The following CELF2 variants were observed in gnomAD, a reference collection of about 807,000 sequenced individuals.
CELF2 encodes the protein CUG triplet repeat RNA-binding protein 2.
Under a neutral mutation model 62.6 loss-of-function variants are expected in CELF2, and 8 were observed. The ratio of observed to expected loss-of-function variants is 0.13; its 90% confidence interval spans 0.07 to 0.23. CELF2 has a LOEUF of 0.23. CELF2 is among the 10% of genes least tolerant of loss of function. The probability of loss-of-function intolerance (pLI) is 1.00; values close to 1 mark genes in which losing one functional copy is unlikely to be tolerated. For missense variants in CELF2, 333 were observed against 671.0 expected (o/e 0.50, Z 5.56); for synonymous variants, 258 against 250.0 (o/e 1.03, Z -0.30).
chr10:11,253,818 G>A (rs1051584589), intron 4 of CELF2, among the ~76,000 whole-genome samples: 2 of 152,174 alleles, frequency 1.3e-5, no homozygotes, highest in Non-Finnish European at 2.9e-5. Flanking sequence ...AATCACGGGG[G>A]ACCCCATCTG....
chr10:10,806,072 G>A (rs1334372124), intron 1 of CELF2, among the ~76,000 whole-genome samples: 1 of 152,210 alleles, frequency 6.6e-6, no homozygotes, highest in Non-Finnish European at 1.5e-5. Flanking sequence ...GGTGAAGTGA[G>A]AAGGGCAATG....
At chr10:10,795,239 C>A (rs1421622383), upstream of CELF2, among the ~76,000 whole-genome samples, 2 of 134,734 alleles carry the variant, frequency 1.5e-5, no homozygotes, top group African/African-American at 2.7e-5. Context: ...ATGGATTCAA[C>A]TTTTTTTTTT....
rs1307538055 is a variant in CELF2, at chr10:11,264,445, A to C, written c.539-2153A>C. 2.0e-5 allele frequency among the ~76,000 whole-genome samples: 3 copies of C among 152,272 alleles called. No individual in the cohort carries two copies. The East Asian group carries it at 5.8e-4, about 29-fold the overall frequency. On this transcript the variant is annotated intron_variant, in intron 5 of 12. Transcript: ENST00000633077. The stretch of plus-strand genomic sequence containing the variant: ...TAAGAGCAAATGAAGTGAATACAGC[A>C]ATCTTCTTGACTATTAAAAACAGAA...
chr10:10,636,548 G>A, the CELF2 span, among the ~76,000 whole-genome samples: 1 of 152,108 alleles, frequency 6.6e-6, no homozygotes, highest in African/African-American at 2.4e-5. Flanking sequence ...GCAATGAAAT[G>A]GGGAAAATAC....
chr10:11,142,325 G>T (rs1183470862), intron 1 of CELF2, among the ~76,000 whole-genome samples: 1 of 152,174 alleles, frequency 6.6e-6, no homozygotes, highest in African/African-American at 2.4e-5. Context: ...GGGAAAATAG[G>T]GTAAGAACTG....
At chr10:10,626,253 C>G in the CELF2 span, among the ~76,000 whole-genome samples, 1 of 99,996 alleles carries the variant, frequency 1.0e-5, no homozygotes, top group African/African-American at 3.8e-5. Flanking sequence ...TTCCAAACAG[C>G]TGGGGATCTA....
chr10:11,304,684 A>G (rs2094060977), intron 9 of CELF2, among the ~76,000 whole-genome samples: 1 of 152,218 alleles, frequency 6.6e-6, no homozygotes, highest in Non-Finnish European at 1.5e-5. Flanking sequence ...GAACGGATTA[A>G]TCCATTAATG....
the CELF2 span, among the ~76,000 whole-genome samples, chr10:10,757,851 A>C: frequency 1.3e-5 from 2 of 152,226 alleles, no homozygotes; most frequent in Admixed American, 6.5e-5. Flanking sequence ...AAGATGGTTA[A>C]ATTTTATATA....
chr10:10,831,322 A>G (rs767223951), intron 1 of CELF2, among the ~76,000 whole-genome samples: 14 of 152,210 alleles, frequency 9.2e-5, no homozygotes, highest in Non-Finnish European at 1.6e-4. Context: ...CGTGACTCAC[A>G]CTGAGGGCAG....
intron 2 of CELF2, among the ~76,000 whole-genome samples, chr10:10,964,121 A>G (rs1217549557): frequency 2.6e-5 from 4 of 152,208 alleles, no homozygotes; most frequent in Admixed American, 2.6e-4. Context: ...CACTATTAAG[A>G]TAACACTATT....
At chr10:10,739,799 G>T in the CELF2 span, among the ~76,000 whole-genome samples, 1 of 152,134 alleles carries the variant, frequency 6.6e-6, no homozygotes, top group African/African-American at 2.4e-5. Flanking sequence ...CAGTTGTGAG[G>T]TGGTATCTCA....
intron 2 of CELF2, among the ~76,000 whole-genome samples, chr10:11,198,700 G>A (rs1419490482): frequency 2.0e-5 from 3 of 152,230 alleles, no homozygotes; most frequent in African/African-American, 7.2e-5. Flanking sequence ...AGACCCAGAA[G>A]GGCATGGTCA....
At chr10:10,761,905 CGTGTGTGTGTGTGTGTGTGTGTGT>C in the CELF2 span, among the ~76,000 whole-genome samples, 5 of 128,880 alleles carry the variant, frequency 3.9e-5, no homozygotes, top group South Asian at 2.9e-4. Context: ...TATAATAAAC[CGTGTGTGTGTGTGTGTGTGTGTGT>C]GTGTGTGTGT....
Position 11,280,610 on chromosome 10 carries a change from G to A in CELF2, c.841+5490G>A, listed in dbSNP as rs1345619594. Reference sequence around the variant, plus strand: ...ACAGTCCCCACGCTCTTCTCGCCCCGGGTTATTACTGTGGTGTGACAGAGC... The same window carrying A: ...ACAGTCCCCACGCTCTTCTCGCCCCAGGTTATTACTGTGGTGTGACAGAGC... On this transcript the variant is annotated intron_variant, in intron 8 of 12. Transcript: ENST00000633077. This position sits in a 1 kb window ranked among gnomAD's most constrained non-coding sequence, Gnocchi z 7.6. 6.6e-6 allele frequency among the ~76,000 whole-genome samples: 1 copy of A among 152,208 alleles called. No individual in the cohort carries two copies. The highest frequency in any genetic ancestry group is 1.5e-5 in the Non-Finnish European group (1 of 68,028).
Position 10,931,575 on chromosome 10 carries a change from C to T in CELF2, c.89+11576C>T, listed in dbSNP as rs143553416. 6.6e-6 allele frequency among the ~76,000 whole-genome samples: 1 copy of T among 152,302 alleles called. No homozygotes were observed. Among genetic ancestry groups the T allele is most frequent in the Non-Finnish European group, 1.5e-5 (1 of 68,014 alleles). On this transcript the variant is annotated intron_variant, in intron 2 of 13. Coordinates refer to the CELF2 transcript ENST00000636488. The surrounding 1 kb of genome is among the most constrained non-coding windows in gnomAD (Gnocchi z 6.1). Reference sequence around the variant, plus strand: ...TGACACCTGGTGGCCCCTAATTCATCATTGGGCACCACGGCACCCCTTCCA... The same window carrying T: ...TGACACCTGGTGGCCCCTAATTCATTATTGGGCACCACGGCACCCCTTCCA...
intron 12 of CELF2, 31 bp downstream of exon 12, chr10:11,326,010 C>T: frequency 6.3e-7 from 1 of 1,591,824 alleles, no homozygotes; most frequent in Non-Finnish European, 8.6e-7. Context: ...TAGTATATTG[C>T]AGTAGGTTCC....
At chr10:10,976,291 A>G (rs1179549032) in intron 2 of CELF2, among the ~76,000 whole-genome samples, 1 of 152,228 alleles carries the variant, frequency 6.6e-6, no homozygotes, top group African/African-American at 2.4e-5. Flanking sequence ...GCTTGGATAT[A>G]TTCAATGACA....
At chr10:11,065,194 T>A (rs1301262532) in intron 1 of CELF2, among the ~76,000 whole-genome samples, 1 of 152,204 alleles carries the variant, frequency 6.6e-6, no homozygotes, top group Non-Finnish European at 1.5e-5. Context: ...TCTTGGGATT[T>A]TCTGGTGGCC....
intron 1 of CELF2, among the ~76,000 whole-genome samples, chr10:10,895,004 C>T (rs943708603): frequency 1.3e-5 from 2 of 152,156 alleles, no homozygotes; most frequent in Non-Finnish European, 2.9e-5. Flanking sequence ...GTGCTAGCTA[C>T]TATATGCCTG....
Sources: gnomAD v4.1 joint callset for allele counts (sites outside exome capture counted in the v4.1 genomes callset) on GRCh38, gnomAD v4.1.1 for gene constraint, Gnocchi (gnomAD v3.1) non-coding constraint, MANE v1.5 for transcripts, NCBI Gene and HGNC (gene_info 2026-07-23, HGNC 2026-07-21) for gene names.